The following OTUD7B variants were observed in gnomAD, a reference collection of about 807,000 sequenced individuals.
OTUD7B encodes the protein OTU domain-containing protein 7B.
OTUD7B carries 34 observed loss-of-function variants against 82.2 expected under a neutral mutation model. The ratio of observed to expected loss-of-function variants is 0.41; its 90% CI spans 0.31 to 0.55. OTUD7B has a LOEUF of 0.55. Among genes scored for constraint, OTUD7B ranks in the 20% least tolerant of loss-of-function variants. The pLI is 0.20. For missense variants in OTUD7B, 944 were observed against 1,062.1 expected, an observed-to-expected ratio of 0.89 and a Z score of 1.55; for synonymous variants, 398 against 402.7, an observed-to-expected ratio of 0.99 and a Z score of 0.14.
chr1:150,008,099 A>G (rs960014977), intron 1 of OTUD7B, among the ~76,000 whole-genome samples: 3 of 152,236 alleles, frequency 2.0e-5, no homozygotes, highest in Admixed American at 6.5e-5. Flanking sequence ...GAATCTCAAA[A>G]TTGCAAATAA....
At chr1:149,981,014 CA>C (rs1156427665) in intron 1 of OTUD7B, among the ~76,000 whole-genome samples, 1 of 57,696 alleles carries the variant, frequency 1.7e-5, no homozygotes, top group African/African-American at 6.7e-5. Flanking sequence ...GACCCTGTTT[CA>C]AAAAAAAAAA....
the OTUD7B span, among the ~76,000 whole-genome samples, chr1:150,051,838 A>T: frequency 1.3e-5 from 2 of 152,106 alleles, no homozygotes; most frequent in African/African-American, 2.4e-5. Flanking sequence ...ATATGTAAAT[A>T]AAAAAGTTTA....
intron 3 of OTUD7B, among the ~76,000 whole-genome samples, chr1:149,969,710 AT>A (rs1387853205): frequency 3.3e-5 from 5 of 151,432 alleles, no homozygotes; most frequent in Admixed American, 2.0e-4. Context: ...AAAATTATAT[AT>A]TTTTTTATAT....
the OTUD7B span, among the ~76,000 whole-genome samples, chr1:150,061,243 T>A: frequency 6.6e-6 from 1 of 152,196 alleles, no homozygotes; most frequent in Non-Finnish European, 1.5e-5. Context: ...CTAAACAATA[T>A]ACTATTATTT....
intron 1 of OTUD7B, among the ~76,000 whole-genome samples, chr1:150,007,980 T>G (rs1445667348): frequency 2.0e-5 from 3 of 152,218 alleles, no homozygotes; most frequent in Non-Finnish European, 4.4e-5. Context: ...CACACTATAA[T>G]GGCCAGTGTC....
At position 149,943,975 on chromosome 1, in the gene OTUD7B, G is replaced by A. The variant is rs267598003; in HGVS notation, c.2414C>T (p.Pro805Leu). 1.7e-5 allele frequency: 28 copies of A among 1,614,100 alleles called. No homozygotes were observed. Among genetic ancestry groups the A allele is most frequent in the African/African-American group, 1.6e-4 (12 of 74,930 alleles). ...LPPTQTKCKQ[P>L]NCSFYGHPET... is the part of the protein sequence containing the mutation. ...AGGGTGTCCATAGAAGCTGCAGTTC[G>A]GTTGTTTGCATTTGGTCTGAGTTGG... Residue 805 changes from proline (P) to leucine (L), a missense_variant, in exon 12 of 12, where the codon CCG (proline) becomes CTG (leucine). Coordinates refer to ENST00000581312, the MANE Select transcript of OTUD7B (RefSeq NM_020205.4).
chr1:150,032,325 G>GA, the OTUD7B span, among the ~76,000 whole-genome samples: 2,343 of 144,774 alleles, frequency 0.016, 58 homozygotes, highest in African/African-American at 0.057. Flanking sequence ...AAAAATAAAA[G>GA]AAAAAAAAAA....
the OTUD7B span, among the ~76,000 whole-genome samples, chr1:150,035,703 C>A: frequency 5.9e-5 from 9 of 152,094 alleles, 1 homozygote; most frequent in Admixed American, 5.2e-4. Context: ...CTTATTTTCA[C>A]ACCAAACCTG....
At chr1:150,066,146 G>A in the OTUD7B span, among the ~76,000 whole-genome samples, 1 of 152,024 alleles carries the variant, frequency 6.6e-6, no homozygotes, top group African/African-American at 2.4e-5. The surrounding 1 kb of genome is among the most constrained non-coding windows in gnomAD (Gnocchi z 4.6). Flanking sequence ...CTAAATTATA[G>A]GTAAGAAAAA....
chr1:150,054,973 G>A, the OTUD7B span: 1 of 330,840 alleles, frequency 3.0e-6, no homozygotes, highest in South Asian at 2.9e-5. Context: ...TCAGCTCCAG[G>A]GCTACCTCTG....
At chr1:150,000,838 G>A (rs1389363914) in intron 1 of OTUD7B, among the ~76,000 whole-genome samples, 1 of 151,958 alleles carries the variant, frequency 6.6e-6, no homozygotes, top group African/African-American at 2.4e-5. Flanking sequence ...AATTACCTGG[G>A]CACTGTGGCA....
rs1647434836 is a variant in OTUD7B at position 149,943,748 on chromosome 1, C to T, written c.*109G>A. 1 of 1,214,896 alleles carries T rather than the reference C, an allele frequency of 8.2e-7. No homozygotes were observed. The highest frequency in any genetic ancestry group is 1.5e-5 in the African/African-American group (1 of 66,524). The allele number at this position is 1,214,896 out of a possible 1,614,324, so 75.3% of individuals were successfully genotyped here. On this transcript the variant is annotated 3_prime_UTR_variant, in exon 12 of 12. Transcript: ENST00000581312. ...ACTTAAAAGTTTCCAGCCAGGCTCC[C>T]ACAAACATTACTGCATTTTCCCCCT...
chr1:150,054,266 C>T, the OTUD7B span: 3 of 469,062 alleles, frequency 6.4e-6, no homozygotes, highest in East Asian at 5.9e-5. Context: ...CTTCAGTCAG[C>T]ACATGAGAAA....
At chr1:150,044,212 A>ATT in the OTUD7B span, among the ~76,000 whole-genome samples, 2 of 151,830 alleles carry the variant, frequency 1.3e-5, no homozygotes, top group Non-Finnish European at 2.9e-5. Flanking sequence ...GGTTTATTTT[A>ATT]TTTTTTATTT....
At chr1:150,037,056 G>T in the OTUD7B span, among the ~76,000 whole-genome samples, 10 of 152,170 alleles carry the variant, frequency 6.6e-5, no homozygotes, top group South Asian at 2.1e-3. Context: ...AATATGGCAT[G>T]TCCTTTATTT....
At chr1:150,032,094 T>C in the OTUD7B span, among the ~76,000 whole-genome samples, 1 of 149,342 alleles carries the variant, frequency 6.7e-6, no homozygotes, top group Non-Finnish European at 1.5e-5. Flanking sequence ...GTGGATCACT[T>C]GAGGTCAGGA....
intron 1 of OTUD7B, among the ~76,000 whole-genome samples, chr1:149,999,154 G>C (rs1300861256): frequency 2.0e-5 from 3 of 151,990 alleles, no homozygotes; most frequent in Non-Finnish European, 2.9e-5. Context: ...AAACATCAAG[G>C]GAAATTTGCA....
intron 3 of OTUD7B, among the ~76,000 whole-genome samples, chr1:149,969,707 T>C (rs1649778560): frequency 6.6e-6 from 1 of 152,180 alleles, no homozygotes; most frequent in African/African-American, 2.4e-5. Context: ...AAAAAAATTA[T>C]ATATTTTTTT....
chr1:150,063,815 T>C, the OTUD7B span, among the ~76,000 whole-genome samples: 3 of 152,366 alleles, frequency 2.0e-5, no homozygotes, highest in African/African-American at 7.2e-5. Context: ...TGAACTGTGA[T>C]GAAAATTTAA....
Sources: gnomAD v4.1 joint callset for allele counts (sites outside exome capture counted in the v4.1 genomes callset) on GRCh38, gnomAD v4.1.1 for gene constraint, Gnocchi (gnomAD v3.1) non-coding constraint, MANE v1.5 for transcripts, NCBI Gene and HGNC (gene_info 2026-07-23, HGNC 2026-07-21) for gene names.